ALDH6A1: variants seen among roughly 807,000 people sequenced by gnomAD.
ALDH6A1 encodes the protein aldehyde dehydrogenase 6 family member A1.
ALDH6A1 carries 43 observed loss-of-function variants against 62.6 expected under a neutral mutation model. That is an observed-to-expected ratio of 0.69 (90% CI 0.54 to 0.89). The LOEUF is 0.89. Ranked by LOEUF, ALDH6A1 falls within the 40% of genes least tolerant of loss-of-function variation. ALDH6A1 has a pLI of 0.00. For missense variants in ALDH6A1, 551 were observed against 661.3 expected, an observed-to-expected ratio of 0.83 and a Z score of 1.83; for synonymous variants, 194 against 234.2, an observed-to-expected ratio of 0.83 and a Z score of 1.57.
chr14:74,082,408 T>TG (rs1555378524), intron 1 of ALDH6A1, among the ~76,000 whole-genome samples: 4 of 141,936 alleles, frequency 2.8e-5, no homozygotes, highest in Admixed American at 1.4e-4. Flanking sequence ...TTTTTTTTTT[T>TG]TTTTTTTTTT....
chr14:74,071,731 C>A, intron 5 of ALDH6A1, 165 bp downstream of exon 5: 3 of 1,451,034 alleles, frequency 2.1e-6, no homozygotes, highest in Non-Finnish European at 1.9e-6. Context: ...TAAAGTAAAT[C>A]AGTCTTAGGG....
intron 1 of ALDH6A1, among the ~76,000 whole-genome samples, chr14:74,078,703 A>ATTTTTTTTTT (rs2060639658): frequency 6.7e-6 from 1 of 149,818 alleles, no homozygotes; most frequent in African/African-American, 2.5e-5. Context: ...AATTTTTTGT[A>ATTTTTTTTTT]TTTTTAGTAG....
intron 7 of ALDH6A1, 65 bp from the exon 8 acceptor site, chr14:74,067,634 A>G (rs919815057): frequency 2.9e-5 from 45 of 1,554,256 alleles, no homozygotes; most frequent in Non-Finnish European, 3.8e-5. Flanking sequence ...TAAGAAATTA[A>G]GCAGTGGACC....
rs1036663083 is a variant in ALDH6A1 at position 74,073,130 on chromosome 14, A to G, written c.112-519T>C. ...TTTTTATTTTTTATTTTTTTGAGAC[A>G]TGGTCTCACTCTGTTGCCCAGGCTG... On this transcript the variant is annotated intron_variant, in intron 2 of 11. Transcript: ENST00000553458. Among the ~76,000 whole-genome samples the G allele has an allele frequency of 3.3e-5, 5 of 151,222 alleles. No individual in the cohort carries two copies. In the East Asian group the frequency reaches 9.7e-4, roughly 29 times the overall value.
At chr14:74,068,390 A>C (rs1275641666) in intron 7 of ALDH6A1, among the ~76,000 whole-genome samples, 1 of 151,378 alleles carries the variant, frequency 6.6e-6, no homozygotes, top group Admixed American at 6.6e-5. Flanking sequence ...AAAAAAAAGA[A>C]AAAAAGTGAT....
chr14:74,070,709 T>A, intron 6 of ALDH6A1: 1 of 181,528 alleles, frequency 5.5e-6, no homozygotes, highest in Non-Finnish European at 1.2e-5. Context: ...TTTCACTATG[T>A]CTCATTTTTC....
At chr14:74,072,738 C>T (rs936705868) in intron 2 of ALDH6A1, 127 bp from the exon 3 acceptor site, 41 of 1,065,384 alleles carry the variant, frequency 3.8e-5, no homozygotes, top group Middle Eastern at 2.6e-4. Context: ...ATCTTCTGGT[C>T]TTTAGAAATG....
rs562751551 is a variant in ALDH6A1 at position 74,074,911 on chromosome 14, T to G, written c.111+44A>C. The stretch of plus-strand genomic sequence containing the variant: ...AAGATAGAGATACCCAAAACTATAC[T>G]GAATTCCTTCTCAGAAGTCAACCTC... On this transcript the variant is annotated intron_variant, in intron 2 of 11. Coordinates refer to ENST00000553458, the MANE Select transcript of ALDH6A1 (RefSeq NM_005589.4). 20 of 1,585,640 alleles carry G rather than the reference T, an allele frequency of 1.3e-5. No homozygotes were observed. The East Asian group carries it at 4.0e-4, about 32-fold the overall frequency.
intron 6 of ALDH6A1, 124 bp from the exon 7 acceptor site, chr14:74,069,105 T>C (rs1007406552): frequency 2.5e-4 from 225 of 913,924 alleles, no homozygotes; most frequent in Non-Finnish European, 2.1e-4. Context: ...CTTTTTCTTT[T>C]TTTTTTTTTT....
At position 74,057,294 on chromosome 14, in the gene ALDH6A1, G is replaced by A. The variant is rs373517239; in HGVS notation, c.*3348C>T. 1.1e-5 allele frequency: 17 copies of A among 1,613,618 alleles called. No homozygotes were observed. The highest frequency in any genetic ancestry group is 1.4e-5 in the Non-Finnish European group (17 of 1,179,886). ...TGTATCTAATCAAACAATGTATATT[G>A]TTGTCACCCTTCCCCATGTCGCTTC... On this transcript the variant is annotated 3_prime_UTR_variant, in exon 12 of 12. Transcript: ENST00000553458.
At chr14:74,076,590 A>G (rs1349523913) in intron 1 of ALDH6A1, among the ~76,000 whole-genome samples, 5 of 151,722 alleles carry the variant, frequency 3.3e-5, no homozygotes, top group Admixed American at 1.3e-4. Flanking sequence ...AGGCTGGAGT[A>G]CAGTGGCATG....
At chr14:74,080,325 T>C (rs187982368) in intron 1 of ALDH6A1, among the ~76,000 whole-genome samples, 3 of 151,946 alleles carry the variant, frequency 2.0e-5, no homozygotes, top group Non-Finnish European at 2.9e-5. Context: ...CCTTCCATAA[T>C]AGCTTCCTAA....
intron 11 of ALDH6A1, among the ~76,000 whole-genome samples, chr14:74,064,311 AT>A (rs66776706): frequency 0.22 from 30,758 of 138,710 alleles, 3,847 homozygotes; most frequent in East Asian, 0.7. Flanking sequence ...AAAAAAAAAA[AT>A]AATAATAATA....
At chr14:74,066,095 A>G (rs2060459627) in intron 9 of ALDH6A1, 1 of 154,526 alleles carries the variant, frequency 6.5e-6, no homozygotes. Context: ...CAAGTCAATT[A>G]TTTTTGTCAC....
At chr14:74,077,942 T>C (rs1488555376) in intron 1 of ALDH6A1, among the ~76,000 whole-genome samples, 1 of 152,192 alleles carries the variant, frequency 6.6e-6, no homozygotes, top group Non-Finnish European at 1.5e-5. Flanking sequence ...TTAAATCTTA[T>C]TGTTATGTCA....
rs2060251911 is a variant in ALDH6A1, at chr14:74,057,824, A to C, written c.*2818T>G. The C allele has an allele frequency of 9.7e-7, 1 of 1,034,550 alleles. No individual in the cohort carries two copies. The highest frequency in any genetic ancestry group is 9.2e-5 in the East Asian group (1 of 10,888). 64.1% of individuals were successfully genotyped at this position (1,034,550 alleles called of 1,614,324 possible). A position where few individuals can be genotyped will look rare whatever the true frequency, so the allele number is the denominator to read the frequency against. On this transcript the variant is annotated 3_prime_UTR_variant, in exon 12 of 12. Transcript: ENST00000553458. Reference sequence around the variant, plus strand: ...CTGATGAGTTTTTTTCATCTAAGAAATAAGAAACTCTGAGCAGCAAATAGT... The same window carrying C: ...CTGATGAGTTTTTTTCATCTAAGAACTAAGAAACTCTGAGCAGCAAATAGT...
intron 1 of ALDH6A1, among the ~76,000 whole-genome samples, chr14:74,082,393 G>GTTTTTT (rs869211328): frequency 3.9e-5 from 3 of 77,568 alleles, no homozygotes; most frequent in African/African-American, 5.2e-5. Context: ...CAAAATCGAG[G>GTTTTTT]TTTTTTTTTT....
At chr14:74,073,956 T>C in intron 2 of ALDH6A1, among the ~76,000 whole-genome samples, 1 of 150,620 alleles carries the variant, frequency 6.6e-6, no homozygotes, top group East Asian at 1.9e-4. Flanking sequence ...TGTTTCTATG[T>C]ATTTTTTTCT....
chr14:74,072,122 G>A (rs988839404), intron 4 of ALDH6A1, 81 bp downstream of exon 4: 9 of 1,601,042 alleles, frequency 5.6e-6, no homozygotes, highest in Non-Finnish European at 6.8e-6. Context: ...AGTAAGGGAG[G>A]GTGGCTGAAA....
Sources: gnomAD v4.1 joint callset for allele counts (sites outside exome capture counted in the v4.1 genomes callset) on GRCh38, gnomAD v4.1.1 for gene constraint, MANE v1.5 for transcripts, NCBI Gene and HGNC (gene_info 2026-07-23, HGNC 2026-07-21) for gene names.